USP32: variants seen among roughly 807,000 people sequenced by gnomAD.
USP32 encodes the protein ubiquitin specific peptidase 32, also known as ubiquitin carboxyl-terminal hydrolase 32.
USP32 carries 59 observed loss-of-function variants against 204.8 expected under a neutral mutation model. The observed-to-expected ratio is 0.29, with a 90% CI of 0.23 to 0.36. The LOEUF is 0.36. Among genes scored for constraint, USP32 ranks in the 10% least tolerant of loss-of-function variants. USP32 has a pLI of 1.00. For synonymous variants in USP32, 517 were observed against 678.4 expected, an observed-to-expected ratio of 0.76 and a Z score of 3.70; for missense variants, 1,160 against 1,946.4, an observed-to-expected ratio of 0.60 and a Z score of 7.60.
chr17:60,236,234 C>T lies in USP32; in HGVS notation c.1143G>A (p.Trp381Ter), dbSNP rs1401226968. Residue 381 changes from tryptophan (W) to a stop codon, truncating the protein, a stop_gained, in exon 12 of 34, where the codon TGG (tryptophan) becomes TGA (stop). Transcript: ENST00000300896. LOFTEE classifies it high-confidence loss of function. ...GACCATACCTGCTCTCTCGTTCTAA[C>T]CATCCTCTGTATGTACAAAAGAAAT... Reference protein sequence around the residue: ...PEEEGQIIRGWLERESRYGLQ... With the variant: ...PEEEGQIIRG The T allele has an allele frequency of 6.2e-7, 1 of 1,613,512 alleles. No homozygotes were observed. The highest frequency in any genetic ancestry group is 8.5e-7 in the Non-Finnish European group (1 of 1,179,682).
chr17:60,205,359 C>T (rs2084796756), intron 26 of USP32, 88 bp downstream of exon 26: 3 of 1,471,742 alleles, frequency 2.0e-6, no homozygotes, highest in South Asian at 1.5e-5. Context: ...GAAGAAAATA[C>T]ATTCAATGAT....
chr17:60,286,902 C>CT (rs1239354041), intron 5 of USP32, among the ~76,000 whole-genome samples: 1 of 152,162 alleles, frequency 6.6e-6, no homozygotes, highest in Non-Finnish European at 1.5e-5. Context: ...AATCCTAGCA[C>CT]TTTGGGAGGC....
At chr17:60,304,622 A>G (rs2087676759) in intron 2 of USP32, among the ~76,000 whole-genome samples, 1 of 152,206 alleles carries the variant, frequency 6.6e-6, no homozygotes, top group African/African-American at 2.4e-5. Context: ...TGTAAAAGTA[A>G]AACACGTAAC....
chr17:60,307,076 T>G (rs1295602712), intron 2 of USP32, among the ~76,000 whole-genome samples: 1 of 151,890 alleles, frequency 6.6e-6, no homozygotes, highest in Non-Finnish European at 1.5e-5. Flanking sequence ...GTTCATGGAT[T>G]GGAATAATTA....
intron 10 of USP32, among the ~76,000 whole-genome samples, chr17:60,254,443 G>A (rs2086243072): frequency 6.6e-6 from 1 of 152,136 alleles, no homozygotes; most frequent in African/African-American, 2.4e-5. Flanking sequence ...GTTCACTCCT[G>A]TAATTGCAGC....
chr17:60,339,854 T>A (rs7217067), intron 2 of USP32, among the ~76,000 whole-genome samples: 1 of 152,140 alleles, frequency 6.6e-6, no homozygotes, highest in African/African-American at 2.4e-5. Flanking sequence ...CCCAAAAATA[T>A]CGTTCCTTGC....
At chr17:60,404,313 T>C (rs1405821566) in intron 1 of USP32, among the ~76,000 whole-genome samples, 2 of 152,178 alleles carry the variant, frequency 1.3e-5, no homozygotes, top group Non-Finnish European at 2.9e-5. Flanking sequence ...TTCTTTGTGC[T>C]ATTCTTGTGT....
chr17:60,269,820 G>A (rs545718101), intron 6 of USP32, among the ~76,000 whole-genome samples: 1 of 151,764 alleles, frequency 6.6e-6, no homozygotes, highest in Admixed American at 6.6e-5. Flanking sequence ...CATTTTTAAT[G>A]GCTAAAATGA....
intron 12 of USP32, 42 bp downstream of exon 12, chr17:60,236,096 A>C: frequency 6.5e-7 from 1 of 1,549,990 alleles, no homozygotes; most frequent in Non-Finnish European, 8.9e-7. Flanking sequence ...CACGCAGCTG[A>C]AAATCCTGTG....
intron 1 of USP32, among the ~76,000 whole-genome samples, chr17:60,369,240 C>T (rs1164777722): frequency 2.2e-5 from 3 of 137,292 alleles, no homozygotes; most frequent in African/African-American, 1.0e-4. Flanking sequence ...GTGATCCGCC[C>T]GCCTCGGCCT....
At chr17:60,359,587 G>C (rs1398988195) in intron 1 of USP32, among the ~76,000 whole-genome samples, 1 of 151,964 alleles carries the variant, frequency 6.6e-6, no homozygotes, top group Non-Finnish European at 1.5e-5. Context: ...GAGATGAGAG[G>C]ATCACTTGAG....
intron 2 of USP32, among the ~76,000 whole-genome samples, chr17:60,326,177 A>T (rs978317477): frequency 6.6e-6 from 1 of 151,848 alleles, no homozygotes; most frequent in Non-Finnish European, 1.5e-5. Context: ...AATAAGTAAG[A>T]TTTACTTGCA....
intron 11 of USP32, among the ~76,000 whole-genome samples, chr17:60,240,690 T>C (rs538566887): frequency 6.6e-6 from 1 of 152,306 alleles, no homozygotes; most frequent in Non-Finnish European, 1.5e-5. Flanking sequence ...TGAGTGTGTA[T>C]CTTGTTGTTG....
At chr17:60,253,003 T>G (rs1291924460) in intron 10 of USP32, among the ~76,000 whole-genome samples, 1 of 152,272 alleles carries the variant, frequency 6.6e-6, no homozygotes, top group East Asian at 1.9e-4. Context: ...GTAATAAAAT[T>G]TAGGTGTTGA....
chr17:60,391,796 T>A, intron 1 of USP32, 86 bp downstream of exon 1: 1 of 1,460,752 alleles, frequency 6.8e-7, no homozygotes, highest in Non-Finnish European at 9.3e-7. Context: ...ACGCCCTCAA[T>A]CTCCCCTCTC....
At chr17:60,214,533 C>T (rs541914593) in intron 17 of USP32, 87 bp downstream of exon 17, 5 of 1,254,732 alleles carry the variant, frequency 4.0e-6, no homozygotes, top group Non-Finnish European at 4.4e-6. Context: ...TGGAACAATA[C>T]AAAGAAGTTT....
chr17:60,390,490 G>A (rs1214850708), intron 1 of USP32, among the ~76,000 whole-genome samples: 1 of 152,242 alleles, frequency 6.6e-6, no homozygotes, highest in South Asian at 2.1e-4. Context: ...GACAAAAAAA[G>A]TTCAAATGAG....
At chr17:60,385,143 G>A (rs1249714007) in intron 1 of USP32, among the ~76,000 whole-genome samples, 1 of 152,126 alleles carries the variant, frequency 6.6e-6, no homozygotes, top group South Asian at 2.1e-4. Context: ...TTAACTGAGC[G>A]ATTAACTTTG....
intron 27 of USP32, among the ~76,000 whole-genome samples, chr17:60,196,872 T>C (rs774232259): frequency 2.0e-5 from 3 of 151,870 alleles, no homozygotes; most frequent in Non-Finnish European, 2.9e-5. Context: ...TAAGTAAAGA[T>C]TTATTTAAAT....
Sources: allele counts gnomAD v4.1 joint callset (sites outside exome capture counted in the v4.1 genomes callset), GRCh38; gene constraint gnomAD v4.1.1; transcripts MANE v1.5; gene names NCBI Gene and HGNC (gene_info 2026-07-23, HGNC 2026-07-21).